The following HK1 variants were observed in gnomAD, a reference collection of about 807,000 sequenced individuals.
HK1 encodes hexokinase-1.
HK1 carries 28 observed loss-of-function variants against 91.6 expected under a neutral mutation model. The ratio of observed to expected loss-of-function variants is 0.31; its 90% confidence interval spans 0.23 to 0.42. The LOEUF (loss-of-function observed/expected upper bound fraction) is 0.42, where lower values mean the gene tolerates loss of function less well. Among genes scored for constraint, HK1 ranks in the 10% least tolerant of loss-of-function variants. HK1 has a pLI of 1.00. For synonymous variants in HK1, 430 were observed against 468.1 expected (o/e 0.92, Z 1.05); for missense variants, 770 against 1,219.8 (o/e 0.63, Z 5.49).
chr10:69,274,150 G>T (rs138665074), intron 1 of HK1, among the ~76,000 whole-genome samples: 1 of 151,992 alleles, frequency 6.6e-6, no homozygotes, highest in African/African-American at 2.4e-5. Flanking sequence ...TTCACTTTTC[G>T]TTTCAAATAT....
intron 14 of HK1, among the ~76,000 whole-genome samples, chr10:69,390,140 G>A (rs1255391228): frequency 1.3e-5 from 2 of 152,216 alleles, no homozygotes; most frequent in African/African-American, 4.8e-5. Context: ...TTCATTCATT[G>A]TTAAGCCACT....
At chr10:69,342,190 CAAACAA>C (rs1848326686) in intron 1 of HK1, among the ~76,000 whole-genome samples, 3 of 150,024 alleles carry the variant, frequency 2.0e-5, no homozygotes, top group African/African-American at 7.5e-5. Flanking sequence ...AACAAACAAA[CAAACAA>C]AGGAAAAAAC....
At chr10:69,351,102 G>A (rs2132716950) in intron 2 of HK1, among the ~76,000 whole-genome samples, 1 of 151,746 alleles carries the variant, frequency 6.6e-6, no homozygotes, top group Non-Finnish European at 1.5e-5. Flanking sequence ...GTGAACCTGG[G>A]AGGTGGAGCT....
At chr10:69,296,892 A>C (rs78196698) in intron 4 of HK1, among the ~76,000 whole-genome samples, 3,263 of 152,236 alleles carry the variant, frequency 0.021, 51 homozygotes, top group Middle Eastern at 0.037. Context: ...GAGCTGGAGG[A>C]AGCCTTGGGC....
intron 1 of HK1, among the ~76,000 whole-genome samples, chr10:69,280,654 G>A (rs1189426295): frequency 1.3e-5 from 2 of 152,204 alleles, no homozygotes; most frequent in African/African-American, 2.4e-5. Context: ...TTCTACCAGT[G>A]AGGACGGAGT....
intron 1 of HK1, among the ~76,000 whole-genome samples, chr10:69,339,758 A>G (rs537269354): frequency 2.6e-5 from 4 of 152,298 alleles, no homozygotes; most frequent in African/African-American, 9.6e-5. Context: ...GAAAACCCCA[A>G]CAGCTCTACT....
intron 1 of HK1, among the ~76,000 whole-genome samples, chr10:69,334,827 C>T (rs545395352): frequency 1.3e-5 from 2 of 152,258 alleles, no homozygotes; most frequent in Admixed American, 1.3e-4. Flanking sequence ...CCAGGCAGAT[C>T]GACTCCTACA....
In HK1 at chr10:69,309,773, G is replaced by A. The variant is rs985026207; in HGVS notation, c.27+8912G>A. Among the ~76,000 whole-genome samples the A allele has an allele frequency of 5.3e-5, 8 of 151,050 alleles. No individual in the cohort carries two copies. The East Asian group carries it at 8.0e-4, about 15-fold the overall frequency. Reference sequence around the variant, plus strand: ...TTCAGATTGCACCACTCGGCCAGGCGAGGTGGCTCACTCCTGTAATCCTAG... The same window carrying A: ...TTCAGATTGCACCACTCGGCCAGGCAAGGTGGCTCACTCCTGTAATCCTAG... On this transcript the variant is annotated intron_variant, in intron 5 of 21. Coordinates refer to the HK1 transcript ENST00000360289.
At chr10:69,273,674 T>C (rs1844295479) in intron 1 of HK1, among the ~76,000 whole-genome samples, 1 of 152,220 alleles carries the variant, frequency 6.6e-6, no homozygotes. Context: ...CTCCAATAAC[T>C]AGTCTTCAAG....
chr10:69,359,757 A>G (rs544968874), intron 2 of HK1, 140 bp from the exon 3 acceptor site: 2 of 824,018 alleles, frequency 2.4e-6, no homozygotes, highest in East Asian at 2.4e-5. Context: ...TGAAGTTTGC[A>G]TGATTGCTGC....
intron 2 of HK1, among the ~76,000 whole-genome samples, chr10:69,354,054 A>G (rs920996317): frequency 6.6e-6 from 1 of 152,182 alleles, no homozygotes; most frequent in Non-Finnish European, 1.5e-5. Context: ...AAATAATTGA[A>G]TTGAATTAGA....
chr10:69,313,500 TG>T (rs1217538896), upstream of HK1, among the ~76,000 whole-genome samples: 3 of 152,220 alleles, frequency 2.0e-5, no homozygotes, highest in African/African-American at 7.2e-5. Context: ...TTCGCTTTTG[TG>T]GCCCAGACTG....
intron 4 of HK1, among the ~76,000 whole-genome samples, chr10:69,366,986 T>C (rs1849736605): frequency 2.0e-5 from 3 of 152,302 alleles, no homozygotes; most frequent in Admixed American, 2.0e-4. Flanking sequence ...ATTCCTGCAG[T>C]GCTGAGGTTT....
chr10:69,362,657 G>A (rs920467529), intron 3 of HK1, among the ~76,000 whole-genome samples: 1 of 152,136 alleles, frequency 6.6e-6, no homozygotes. Context: ...ACTGGTGACA[G>A]GTCCCATTCA....
chr10:69,369,623 CTG>C lies in HK1; in HGVS notation c.875+2_875+3del. 6.2e-7 allele frequency: 1 copy of C among 1,613,462 alleles called. No individual in the cohort carries two copies. The highest frequency in any genetic ancestry group is 1.1e-5 in the South Asian group (1 of 91,000). On this transcript the variant is annotated splice_donor_variant and coding_sequence_variant, in exon 7 of 18. Coordinates refer to ENST00000359426, the MANE Select transcript of HK1 (RefSeq NM_000188.3). LOFTEE classifies it high-confidence loss of function. This position sits in a 1 kb window ranked among gnomAD's most constrained non-coding sequence, Gnocchi z 4.4. The stretch of plus-strand genomic sequence containing the variant: ...GGGATCCCTCAACCCTGGAAAACAG[CTG>C]TGAGTCCTTGACTTTTGCTTCTAAC...
rs1475458209 is a variant in HK1 at position 69,382,690 on chromosome 10, G to A, written c.1469G>A (p.Arg490Lys). ...TKDMLLEVKKRMRAEMELGLR... is the reference protein window; with the variant it reads ...TKDMLLEVKKKMRAEMELGLR... ...GACATGCTGCTGGAGGTGAAGAAGA[G>A]GATGCGGGCCGAGATGGAGCTGGGG... The change falls in exon 10 of 18, where the codon AGG (arginine) becomes AAG (lysine). Residue 490 changes from arginine to lysine, a missense_variant. Arg to Lys is a conservative substitution (Grantham distance 26). Around this residue, in one of 7 missense-constraint regions of HK1, gnomAD observed 449 missense variants for 665.1 expected, o/e 0.68. Coordinates refer to ENST00000359426, the MANE Select transcript of HK1 (RefSeq NM_000188.3). 1.2e-6 allele frequency: 2 copies of A among 1,613,822 alleles called. No individual in the cohort carries two copies. Among genetic ancestry groups the A allele is most frequent in the South Asian group, 1.1e-5 (1 of 90,924 alleles).
chr10:69,384,239 G>T, intron 10 of HK1, 94 bp from the exon 11 acceptor site: 2 of 1,444,374 alleles, frequency 1.4e-6, no homozygotes, highest in East Asian at 2.3e-5. Flanking sequence ...TTTGCTATGG[G>T]GTTCTCCCCT....
In HK1 at chr10:69,369,690, G is replaced by C; in HGVS notation, c.875+66G>C. On this transcript the variant is annotated intron_variant, in intron 7 of 17. Transcript: ENST00000359426. The surrounding 1 kb of genome is among the most constrained non-coding windows in gnomAD (Gnocchi z 4.4). ...AGGGGACATTTGATGAAAGATTTGG[G>C]ATGGGAGATGAAAAGGGCATAAAGC... The C allele has an allele frequency of 6.9e-7, 1 of 1,445,366 alleles. No individual in the cohort carries two copies. The allele number at this position is 1,445,366 out of a possible 1,614,324, so 89.5% of individuals were successfully genotyped here.
chr10:69,382,426 C>A, intron 9 of HK1, 61 bp from the exon 10 acceptor site: 1 of 1,530,962 alleles, frequency 6.5e-7, no homozygotes, highest in Non-Finnish European at 9.1e-7. Flanking sequence ...AAAGGGTGGC[C>A]GGAGGTCCCC....
Sources: allele counts gnomAD v4.1 joint callset (sites outside exome capture counted in the v4.1 genomes callset), GRCh38; gene constraint gnomAD v4.1.1; regional missense constraint gnomAD v4.1.1; non-coding constraint Gnocchi (gnomAD v3.1); transcripts MANE v1.5; gene names NCBI Gene and HGNC (gene_info 2026-07-23, HGNC 2026-07-21).